KCNN3: variants seen among roughly 807,000 people sequenced by gnomAD.
The protein encoded by KCNN3 is small conductance calcium-activated potassium channel protein 3.
In KCNN3, 16 loss-of-function variants were observed where a neutral mutation model predicts 62.9. The ratio of observed to expected loss-of-function variants is 0.25; its 90% CI spans 0.17 to 0.39. KCNN3 has a LOEUF of 0.39. Ranked by LOEUF, KCNN3 falls within the 10% of genes least tolerant of loss-of-function variation. The pLI is 1.00. For missense variants in KCNN3, 599 were observed against 949.4 expected (o/e 0.63, Z 4.85); for synonymous variants, 370 against 389.2 (o/e 0.95, Z 0.58).
chr1:154,823,647 A>G (rs1200583520), intron 1 of KCNN3, among the ~76,000 whole-genome samples: 1 of 152,234 alleles, frequency 6.6e-6, no homozygotes. Flanking sequence ...CATCCATTTA[A>G]ATAGACCTAA....
In KCNN3 at chr1:154,708,004, G is replaced by T; in HGVS notation, c.2168C>A (p.Thr723Asn). ...GCAACTGCTTGAACTTGTGTACGGG[G>T]TCGGGAAGGAGGTGGAGCTGACCCC... ...PIGVSSTSFP[T>N]PYTSSSSC The change falls in exon 8 of 8, where the codon ACC becomes AAC. Residue 723 changes from threonine to asparagine, a missense_variant. This residue lies in a region of KCNN3 where 52 missense variants were observed against 53.3 expected (regional missense o/e 0.98). Transcript: ENST00000271915. 6.2e-7 allele frequency: 1 copy of T among 1,613,642 alleles called. No individual in the cohort carries two copies. The highest frequency in any genetic ancestry group is 8.5e-7 in the Non-Finnish European group (1 of 1,179,770).
chr1:154,778,608 TCTC>T (rs1270822093), intron 2 of KCNN3, among the ~76,000 whole-genome samples: 1 of 120,162 alleles, frequency 8.3e-6, no homozygotes, highest in African/African-American at 2.9e-5. Context: ...TCTCTCTCTG[TCTC>T]TTTTTTTTTT....
At chr1:154,752,234 T>G (rs1647412737) in intron 3 of KCNN3, among the ~76,000 whole-genome samples, 1 of 152,154 alleles carries the variant, frequency 6.6e-6, no homozygotes, top group South Asian at 2.1e-4. Context: ...TAGATATCCC[T>G]CAAGCAATGG....
chr1:154,797,823 G>A (rs1649794533), intron 2 of KCNN3, among the ~76,000 whole-genome samples: 1 of 152,148 alleles, frequency 6.6e-6, no homozygotes, highest in African/African-American at 2.4e-5. Context: ...ACAGGGGTGT[G>A]GCTCTGCCTG....
At position 154,705,716 on chromosome 1, in the gene KCNN3, C is replaced by G. The variant is rs1699953899; in HGVS notation, c.*2260G>C. ...GACTAAATCTCTATATGTGCACACA[C>G]CCACACTCACACCCACACGCACACA... On this transcript the variant is annotated 3_prime_UTR_variant, in exon 8 of 8. Coordinates refer to ENST00000271915, the MANE Select transcript of KCNN3 (RefSeq NM_002249.6). 1 of 152,190 alleles carries G rather than the reference C, an allele frequency of 6.6e-6. No homozygotes were observed. Among genetic ancestry groups the G allele is most frequent in the Admixed American group, 6.5e-5 (1 of 15,272 alleles). 9.4% of individuals were successfully genotyped at this position (152,190 alleles called of 1,614,324 possible). A position where few individuals can be genotyped will look rare whatever the true frequency, so the allele number is the denominator to read the frequency against.
At chr1:154,743,600 C>T (rs1482648956) in intron 3 of KCNN3, among the ~76,000 whole-genome samples, 1 of 152,226 alleles carries the variant, frequency 6.6e-6, no homozygotes, top group Non-Finnish European at 1.5e-5. Context: ...AAAAGCAATA[C>T]ACAGTCGGTG....
intron 7 of KCNN3, among the ~76,000 whole-genome samples, chr1:154,710,904 A>T (rs976541680): frequency 2.6e-5 from 4 of 152,188 alleles, no homozygotes; most frequent in African/African-American, 9.7e-5. Flanking sequence ...GGGACTGTAA[A>T]CTAGTTCAAC....
chr1:154,852,257 G>A (rs1028691725), intron 1 of KCNN3, among the ~76,000 whole-genome samples: 1 of 101,672 alleles, frequency 9.8e-6, no homozygotes, highest in Non-Finnish European at 2.8e-5. Flanking sequence ...CTGCTGCCCA[G>A]GCTGGAGTGC....
In KCNN3 at chr1:154,772,789, T is replaced by G. The variant is rs894364642; in HGVS notation, c.1030-396A>C. On this transcript the variant is annotated intron_variant, in intron 2 of 7. Transcript: ENST00000271915. This position sits in a 1 kb window ranked among gnomAD's most constrained non-coding sequence, Gnocchi z 5.6. ...CTAATGAGATGACTAGTGGCTGGGG[T>G]CGGTCGGGGTGGGGATCCAGGGTGG... 6.6e-6 allele frequency among the ~76,000 whole-genome samples: 1 copy of G among 151,834 alleles called. No individual in the cohort carries two copies. Among genetic ancestry groups the G allele is most frequent in the Non-Finnish European group, 1.5e-5 (1 of 67,940 alleles).
chr1:154,794,036 A>C (rs961898245), intron 2 of KCNN3, among the ~76,000 whole-genome samples: 8 of 152,222 alleles, frequency 5.3e-5, no homozygotes, highest in African/African-American at 9.6e-5. Context: ...TAGAATGTAG[A>C]CAAATCCTCT....
At chr1:154,813,369 C>T (rs1287214913) in intron 2 of KCNN3, among the ~76,000 whole-genome samples, 2 of 152,134 alleles carry the variant, frequency 1.3e-5, no homozygotes, top group Non-Finnish European at 1.5e-5. Flanking sequence ...TGTGTGGTTT[C>T]CAAGGTAACA....
At chr1:154,722,709 A>G (rs998614421) in intron 5 of KCNN3, among the ~76,000 whole-genome samples, 3 of 140,722 alleles carry the variant, frequency 2.1e-5, no homozygotes, top group Admixed American at 7.3e-5. Context: ...TCTAAGGATC[A>G]TGTCTGAGAG....
At chr1:154,824,543 A>G (rs971620215) in intron 1 of KCNN3, among the ~76,000 whole-genome samples, 9 of 152,348 alleles carry the variant, frequency 5.9e-5, no homozygotes, top group Middle Eastern at 3.4e-3. Context: ...TCCCTACATC[A>G]ATCAACTGGG....
intron 1 of KCNN3, among the ~76,000 whole-genome samples, chr1:154,828,575 A>G (rs1409318221): frequency 6.6e-6 from 1 of 152,190 alleles, no homozygotes; most frequent in African/African-American, 2.4e-5. Context: ...CTTTGCTACT[A>G]ACTAGCTGTG....
chr1:154,789,599 T>C (rs1649424463), intron 2 of KCNN3, among the ~76,000 whole-genome samples: 1 of 152,172 alleles, frequency 6.6e-6, no homozygotes, highest in African/African-American at 2.4e-5. Flanking sequence ...ACCCAGGTAG[T>C]AAATGGCACA....
chr1:154,803,668 G>A (rs953290731), intron 2 of KCNN3, among the ~76,000 whole-genome samples: 19 of 152,214 alleles, frequency 1.2e-4, no homozygotes, highest in African/African-American at 4.3e-4. Context: ...AAGAGGGAAT[G>A]GGAAACATGC....
intron 3 of KCNN3, among the ~76,000 whole-genome samples, chr1:154,765,593 C>G (rs1480409382): frequency 2.6e-5 from 4 of 151,350 alleles, no homozygotes; most frequent in Non-Finnish European, 5.9e-5. Flanking sequence ...TTCTGGCACC[C>G]TATTAGAGAT....
intron 5 of KCNN3, among the ~76,000 whole-genome samples, chr1:154,715,433 CAA>C (rs68051927): frequency 3.8e-5 from 4 of 104,034 alleles, no homozygotes; most frequent in African/African-American, 1.2e-4. Context: ...AACTCCATCT[CAA>C]AAAAAAAAAA....
chr1:154,760,330 T>C (rs907091511), intron 3 of KCNN3, among the ~76,000 whole-genome samples: 7 of 148,264 alleles, frequency 4.7e-5, no homozygotes, highest in Non-Finnish European at 1.0e-4. Flanking sequence ...ATACTGCCAA[T>C]GAGGAAGAGG....
Sources: gnomAD v4.1 joint callset for allele counts (sites outside exome capture counted in the v4.1 genomes callset) on GRCh38, gnomAD v4.1.1 for gene constraint, gnomAD v4.1.1 regional missense constraint, Gnocchi (gnomAD v3.1) non-coding constraint, MANE v1.5 for transcripts, NCBI Gene and HGNC (gene_info 2026-07-23, HGNC 2026-07-21) for gene names.